PITPNM3: variants seen among roughly 807,000 people sequenced by gnomAD.
PITPNM3 encodes membrane-associated phosphatidylinositol transfer protein 3.
A neutral mutation model predicts 102.0 loss-of-function variants in PITPNM3; 26 were observed. The ratio of observed to expected loss-of-function variants is 0.25; its 90% CI spans 0.19 to 0.35. The LOEUF (loss-of-function observed/expected upper bound fraction) is 0.35, where lower values mean the gene tolerates loss of function less well. PITPNM3 is among the 10% of genes least tolerant of loss of function. The probability of loss-of-function intolerance (pLI) is 1.00; values close to 1 mark genes in which losing one functional copy is unlikely to be tolerated. For missense variants in PITPNM3, 1,083 were observed against 1,346.1 expected (o/e 0.80, Z 3.06); for synonymous variants, 578 against 558.6 (o/e 1.03, Z -0.49).
At chr17:6,540,762 G>A (rs1319645316) in intron 1 of PITPNM3, among the ~76,000 whole-genome samples, 1 of 152,218 alleles carries the variant, frequency 6.6e-6, no homozygotes, top group East Asian at 1.9e-4. Context: ...GGGTTCAAGA[G>A]ATTCTCCTGC....
chr17:6,499,802 C>T (rs190249196), intron 4 of PITPNM3, among the ~76,000 whole-genome samples: 142 of 152,306 alleles, frequency 9.3e-4, no homozygotes, highest in African/African-American at 3.3e-3. Context: ...ACAATCTCGG[C>T]TCACTGCAAC....
In PITPNM3 at chr17:6,463,313, G is replaced by C. The variant is rs373595950; in HGVS notation, c.2306+419C>G. Among the ~76,000 whole-genome samples, 72 of 152,136 alleles carry C rather than the reference G, an allele frequency of 4.7e-4. No individual in the cohort carries two copies. The South Asian group carries it at 8.9e-3, about 19-fold the overall frequency. On this transcript the variant is annotated intron_variant, in intron 17 of 19. Transcript: ENST00000262483. ...TGCCTGTGACTTATTTTCCCCACCA[G>C]ACTCTGAGTGTCCTCTGACTTAAGA... is the stretch of plus-strand genomic sequence containing the variant.
At position 6,467,081 on chromosome 17, in the gene PITPNM3, C is replaced by CA. The variant is rs1312792836; in HGVS notation, c.1890+1143dup. 2.2e-4 allele frequency among the ~76,000 whole-genome samples: 22 copies of CA among 101,562 alleles called. 1 individual carries two copies. Among genetic ancestry groups the CA allele is most frequent in the African/African-American group, 6.7e-4 (14 of 20,980 alleles). 66.6% of individuals were successfully genotyped at this position (101,562 alleles called of 152,430 possible). On this transcript the variant is annotated intron_variant, in intron 14 of 19. Transcript: ENST00000262483. ...CCGTCTCAAAACAAAAAAAAAAAAC[C>CA]AAAAAAAAAAAACAGGTGAAAACAA...
chr17:6,535,690 A>C (rs1321793796), intron 2 of PITPNM3, among the ~76,000 whole-genome samples: 1 of 151,698 alleles, frequency 6.6e-6, no homozygotes, highest in Admixed American at 6.6e-5. Context: ...AGGCCAAGGC[A>C]GGCAGATCAC....
At chr17:6,466,693 A>G (rs1173278938) in intron 14 of PITPNM3, among the ~76,000 whole-genome samples, 1 of 152,222 alleles carries the variant, frequency 6.6e-6, no homozygotes. Context: ...GCAGTTCCCT[A>G]TATGATTAAC....
chr17:6,519,181 C>CAAAAAAAAA lies in PITPNM3; in HGVS notation c.226+6174_226+6175insTTTTTTTTT, dbSNP rs1490830877. On this transcript the variant is annotated intron_variant, in intron 3 of 19. Coordinates refer to ENST00000262483, the MANE Select transcript of PITPNM3 (RefSeq NM_031220.4). ...TGAAACCCCGTCTCTACTAAAAATA[C>CAAAAAAAAA]AAAAAATTAGCCGGGCGCGGTGGCG... 1.8e-4 allele frequency among the ~76,000 whole-genome samples: 13 copies of CAAAAAAAAA among 72,382 alleles called. 1 individual carries two copies. The highest frequency in any genetic ancestry group is 6.5e-4 in the African/African-American group (11 of 17,006). The allele number at this position is 72,382 out of a possible 152,430, so 47.5% of individuals were successfully genotyped here. A position where few individuals can be genotyped will look rare whatever the true frequency, so the allele number is the denominator to read the frequency against.
chr17:6,492,323 A>G (rs1597381807), intron 4 of PITPNM3, among the ~76,000 whole-genome samples: 1 of 152,018 alleles, frequency 6.6e-6, no homozygotes, highest in African/African-American at 2.4e-5. Context: ...TCAGCCTCCC[A>G]AAGTGCTGGG....
chr17:6,477,861 TCTTTGTGAC>T, intron 8 of PITPNM3, 105 bp downstream of exon 8: 1 of 1,558,324 alleles, frequency 6.4e-7, no homozygotes, highest in Middle Eastern at 2.3e-4. Flanking sequence ...ATGATACACT[TCTTTGTGAC>T]CTGGATGTCA....
chr17:6,483,427 C>T (rs4796503), intron 6 of PITPNM3, 90 bp downstream of exon 6: 5 of 1,288,824 alleles, frequency 3.9e-6, no homozygotes, highest in Non-Finnish European at 5.5e-6. Context: ...AGGTACCCAC[C>T]TGCCCACGGG....
At chr17:6,511,492 C>G (rs1383205862) in intron 3 of PITPNM3, among the ~76,000 whole-genome samples, 2 of 152,174 alleles carry the variant, frequency 1.3e-5, no homozygotes, top group Non-Finnish European at 2.9e-5. Flanking sequence ...AGGAGGGAGG[C>G]AGGACTGGTT....
rs930962494 is a variant in PITPNM3, at chr17:6,556,154, T to C, written c.22+231A>G. On this transcript the variant is annotated intron_variant, in intron 1 of 19. Coordinates refer to ENST00000262483, the MANE Select transcript of PITPNM3 (RefSeq NM_031220.4). This position sits in a 1 kb window ranked among gnomAD's most constrained non-coding sequence, Gnocchi z 5.2. ...GACCTGGCCCTTTCCGGCGGGGCCG[T>C]GGAGAAGGGGACGCGGTGTCCCCCG... 1.7e-4 allele frequency among the ~76,000 whole-genome samples: 26 copies of C among 148,980 alleles called. No individual in the cohort carries two copies. Among genetic ancestry groups the C allele is most frequent in the African/African-American group, 4.7e-4 (19 of 40,454 alleles).
intron 2 of PITPNM3, among the ~76,000 whole-genome samples, chr17:6,526,623 C>T (rs1908850951): frequency 6.6e-6 from 1 of 152,190 alleles, no homozygotes; most frequent in Non-Finnish European, 1.5e-5. Context: ...GACATCTCCT[C>T]CTGTCTTATT....
At chr17:6,496,462 C>T (rs570155172) in intron 4 of PITPNM3, among the ~76,000 whole-genome samples, 4 of 152,168 alleles carry the variant, frequency 2.6e-5, no homozygotes, top group Non-Finnish European at 4.4e-5. Flanking sequence ...TCCACTGCCC[C>T]GTGACCAGAT....
intron 1 of PITPNM3, among the ~76,000 whole-genome samples, chr17:6,544,815 T>C (rs944335968): frequency 6.6e-6 from 1 of 151,774 alleles, no homozygotes; most frequent in Non-Finnish European, 1.5e-5. Flanking sequence ...CGTAGACACA[T>C]AGAGCCCAGA....
chr17:6,520,413 T>C (rs530995549), intron 3 of PITPNM3, among the ~76,000 whole-genome samples: 1 of 152,328 alleles, frequency 6.6e-6, no homozygotes, highest in South Asian at 2.1e-4. Flanking sequence ...ATGGTACAAC[T>C]ATAGTAGAGA....
chr17:6,464,071 C>T lies in PITPNM3; in HGVS notation c.2156+99G>A. 5 of 1,579,856 alleles carry T rather than the reference C, an allele frequency of 3.2e-6. No individual in the cohort carries two copies. The South Asian group carries it at 5.6e-5, about 18-fold the overall frequency. ...CTGTCCATGCAGACAGAGATGGGGG[C>T]CCACAAAGAACCCCAAGGACCCCAT... On this transcript the variant is annotated intron_variant, in intron 16 of 19. Transcript: ENST00000262483.
intron 1 of PITPNM3, among the ~76,000 whole-genome samples, chr17:6,551,216 G>A (rs1015285062): frequency 6.6e-6 from 1 of 152,168 alleles, no homozygotes; most frequent in Non-Finnish European, 1.5e-5. Flanking sequence ...AATTAGCCGG[G>A]CATGGTGGCA....
At chr17:6,539,208 C>A (rs1909606640) in intron 1 of PITPNM3, among the ~76,000 whole-genome samples, 1 of 148,704 alleles carries the variant, frequency 6.7e-6, no homozygotes, top group South Asian at 2.1e-4. Context: ...GCTTCTGATC[C>A]CCTGTCTCTA....
At chr17:6,490,163 AGCACCTG>A (rs1906367392) in intron 4 of PITPNM3, among the ~76,000 whole-genome samples, 1 of 152,136 alleles carries the variant, frequency 6.6e-6, no homozygotes, top group South Asian at 2.1e-4. Context: ...CTCATTCAGT[AGCACCTG>A]GGGGACTCAA....
Sources: allele counts gnomAD v4.1 joint callset (sites outside exome capture counted in the v4.1 genomes callset), GRCh38; gene constraint gnomAD v4.1.1; non-coding constraint Gnocchi (gnomAD v3.1); transcripts MANE v1.5; gene names NCBI Gene and HGNC (gene_info 2026-07-23, HGNC 2026-07-21).